ASAP2: variants seen among roughly 807,000 people sequenced by gnomAD.
ASAP2 encodes arf-GAP with SH3 domain, ANK repeat and PH domain-containing protein 2.
A neutral mutation model predicts 131.4 loss-of-function variants in ASAP2; 45 were observed. That is an observed-to-expected ratio of 0.34 (90% confidence interval 0.27 to 0.44). ASAP2 has a LOEUF of 0.44. ASAP2 is among the 20% of genes least tolerant of loss of function. The pLI is 1.00. For synonymous variants in ASAP2, 510 were observed against 503.0 expected (o/e 1.01, Z -0.19); for missense variants, 1,011 against 1,297.0 (o/e 0.78, Z 3.39).
chr2:9,310,248 C>A (rs976262578), intron 3 of ASAP2, among the ~76,000 whole-genome samples: 5 of 152,224 alleles, frequency 3.3e-5, no homozygotes, highest in Admixed American at 1.3e-4. Flanking sequence ...GTCTTTTCTA[C>A]CTCTCAAGTT....
chr2:9,228,011 A>G (rs1047481328), intron 1 of ASAP2, among the ~76,000 whole-genome samples: 13 of 152,360 alleles, frequency 8.5e-5, no homozygotes, highest in African/African-American at 2.9e-4. Flanking sequence ...TATAATAACC[A>G]GATAATAGCA....
At chr2:9,403,104 AT>A in intron 27 of ASAP2, 148 bp from the exon 28 acceptor site, 3 of 656,640 alleles carry the variant, frequency 4.6e-6, no homozygotes, top group Non-Finnish European at 7.9e-6. Flanking sequence ...GACAAAAATC[AT>A]TTGGATGTTT....
At chr2:9,302,934 A>T (rs1328920587) in intron 3 of ASAP2, among the ~76,000 whole-genome samples, 1 of 152,170 alleles carries the variant, frequency 6.6e-6, no homozygotes, top group Non-Finnish European at 1.5e-5. Context: ...GCTTGGCTGC[A>T]TTGGTACTAG....
intron 7 of ASAP2, among the ~76,000 whole-genome samples, chr2:9,334,039 CTTTTTTTTTTTT>C (rs35495550): frequency 3.8e-5 from 2 of 53,248 alleles, no homozygotes. Context: ...TGTCTTTCTC[CTTTTTTTTTTTT>C]TTTTTTTTTT....
At chr2:9,306,341 G>A (rs1032303141) in intron 3 of ASAP2, among the ~76,000 whole-genome samples, 5 of 151,756 alleles carry the variant, frequency 3.3e-5, no homozygotes, top group Admixed American at 1.3e-4. Context: ...AGCCACATCC[G>A]CAGCAGGGAT....
chr2:9,214,240 CTTTT>C (rs1303885801), intron 1 of ASAP2, among the ~76,000 whole-genome samples: 1 of 151,882 alleles, frequency 6.6e-6, no homozygotes, highest in Non-Finnish European at 1.5e-5. Context: ...TTTTCTTTTT[CTTTT>C]TTATTTTGTT....
intron 16 of ASAP2, among the ~76,000 whole-genome samples, chr2:9,373,828 C>G (rs1200191272): frequency 1.3e-5 from 2 of 152,174 alleles, no homozygotes; most frequent in Non-Finnish European, 2.9e-5. Context: ...GGGCAGTGAC[C>G]CTCAACCTTC....
At chr2:9,345,424 A>G (rs1442303827) in intron 11 of ASAP2, among the ~76,000 whole-genome samples, 1 of 152,124 alleles carries the variant, frequency 6.6e-6, no homozygotes, top group Non-Finnish European at 1.5e-5. Flanking sequence ...TTCCTTACCA[A>G]TCTAGCTTTC....
chr2:9,279,913 C>G (rs1031837740), intron 2 of ASAP2, among the ~76,000 whole-genome samples: 6 of 76,434 alleles, frequency 7.8e-5, no homozygotes, highest in Non-Finnish European at 8.6e-5. Flanking sequence ...ACCCATGCAA[C>G]TTTTGGCTTA....
rs576025760 is a variant in ASAP2, at chr2:9,260,915, C to G, written c.127-18402C>G. On this transcript the variant is annotated intron_variant, in intron 1 of 27. Coordinates refer to ENST00000281419, the MANE Select transcript of ASAP2 (RefSeq NM_003887.3). ...CGCCACCCTGGCCCTTCAGAAGATT[C>G]TGAAACAAGGAATTGGTTACCCAGG... Among the ~76,000 whole-genome samples the G allele has an allele frequency of 2.0e-4, 30 of 152,306 alleles. No homozygotes were observed. In the South Asian group the frequency reaches 5.6e-3, roughly 28 times the overall value.
chr2:9,220,591 C>G (rs1662346541), intron 1 of ASAP2, among the ~76,000 whole-genome samples: 1 of 152,168 alleles, frequency 6.6e-6, no homozygotes, highest in South Asian at 2.1e-4. Context: ...GAGTTGTAAT[C>G]TGAACATTAG....
chr2:9,212,708 C>G lies in ASAP2; in HGVS notation c.126+5478C>G, dbSNP rs749759861. On this transcript the variant is annotated intron_variant, in intron 1 of 27. Coordinates refer to ENST00000281419, the MANE Select transcript of ASAP2 (RefSeq NM_003887.3). Reference sequence around the variant, plus strand: ...ATGAGGCAGCCTAAGACAAATCCAGCTCTCAGCCGCCACATTGCAAGTACT... The same window carrying G: ...ATGAGGCAGCCTAAGACAAATCCAGGTCTCAGCCGCCACATTGCAAGTACT... Among the ~76,000 whole-genome samples, 57 of 152,184 alleles carry G rather than the reference C, an allele frequency of 3.7e-4. 1 individual carries two copies. Among genetic ancestry groups the G allele is most frequent in the Non-Finnish European group, 6.5e-4 (44 of 68,030 alleles).
intron 1 of ASAP2, among the ~76,000 whole-genome samples, chr2:9,230,351 A>G (rs1435820484): frequency 2.0e-5 from 3 of 152,192 alleles, no homozygotes; most frequent in African/African-American, 7.2e-5. Context: ...GCCTGCTGCC[A>G]CTGCGAGCCT....
At chr2:9,286,447 A>AAAAAAATATAT (rs58605449) in intron 2 of ASAP2, among the ~76,000 whole-genome samples, 39 of 148,490 alleles carry the variant, frequency 2.6e-4, no homozygotes, top group African/African-American at 9.3e-4. Flanking sequence ...GAAAAAAAAA[A>AAAAAAATATAT]ATATATATAT....
chr2:9,241,331 T>A (rs1663950838), intron 1 of ASAP2, among the ~76,000 whole-genome samples: 2 of 152,202 alleles, frequency 1.3e-5, no homozygotes, highest in Non-Finnish European at 2.9e-5. Context: ...TTCCTGATAG[T>A]TTTTGGTGAG....
rs1044362830 is a variant in ASAP2 at position 9,379,843 on chromosome 2, T to C, written c.1948+784T>C. Among the ~76,000 whole-genome samples the C allele has an allele frequency of 4.6e-5, 7 of 151,856 alleles. No individual in the cohort carries two copies. In the East Asian group the frequency reaches 5.8e-4, roughly 13 times the overall value. ...CCTGTCTCCACTAAAAATACAAAAATTAGCCGGGTATGGTGGCGCGCACCT... is the reference window on the plus strand; with the variant it reads ...CCTGTCTCCACTAAAAATACAAAAACTAGCCGGGTATGGTGGCGCGCACCT... On this transcript the variant is annotated intron_variant, in intron 19 of 27. Coordinates refer to ENST00000281419, the MANE Select transcript of ASAP2 (RefSeq NM_003887.3).
intron 12 of ASAP2, among the ~76,000 whole-genome samples, chr2:9,352,517 A>T (rs111550779): frequency 1.1e-4 from 16 of 152,292 alleles, no homozygotes; most frequent in African/African-American, 3.8e-4. Flanking sequence ...CCCCTCCAGC[A>T]TGCTCCACAG....
chr2:9,350,607 G>A (rs1672264056), intron 11 of ASAP2: 2 of 475,914 alleles, frequency 4.2e-6, no homozygotes, highest in East Asian at 3.1e-5. Context: ...TTGCAGGGAG[G>A]CAGTTGCCCT....
chr2:9,230,599 T>G (rs1663089456), intron 1 of ASAP2, among the ~76,000 whole-genome samples: 1 of 152,126 alleles, frequency 6.6e-6, no homozygotes, highest in Admixed American at 6.6e-5. Flanking sequence ...CAGACCTGGG[T>G]TCCCCCAGAA....
Sources: allele counts gnomAD v4.1 joint callset (sites outside exome capture counted in the v4.1 genomes callset), GRCh38; gene constraint gnomAD v4.1.1; transcripts MANE v1.5; gene names NCBI Gene and HGNC (gene_info 2026-07-23, HGNC 2026-07-21).